Variants in KLHL22 observed in about 807,000 individuals in gnomAD.
KLHL22 encodes the protein kelch-like protein 22.
Under a neutral mutation model 60.7 loss-of-function variants are expected in KLHL22, and 18 were observed. The ratio of observed to expected loss-of-function variants is 0.30; its 90% CI spans 0.20 to 0.44. The LOEUF is 0.44. KLHL22 is among the 20% of genes least tolerant of loss of function. The pLI, the probability that KLHL22 is intolerant of heterozygous loss-of-function variation, is 1.00. For synonymous variants in KLHL22, 355 were observed against 354.5 expected (o/e 1.00, Z -0.01); for missense variants, 596 against 852.3 (o/e 0.70, Z 3.74).
intron 2 of KLHL22, chr22:20,483,524 G>C: frequency 1.4e-6 from 1 of 726,024 alleles, no homozygotes; most frequent in South Asian, 1.4e-5. Flanking sequence ...TACAGCTGAG[G>C]GACATTGGTG....
chr22:20,494,869 A>T (rs2053745221), intron 1 of KLHL22, among the ~76,000 whole-genome samples: 1 of 152,204 alleles, frequency 6.6e-6, no homozygotes, highest in African/African-American at 2.4e-5. Flanking sequence ...GTTCGGTACG[A>T]TTTTACTGAG....
rs541165667 is a variant in KLHL22, at chr22:20,477,469, G to C, written c.228-5954C>G. 1.3e-3 allele frequency among the ~76,000 whole-genome samples: 202 copies of C among 152,216 alleles called. 1 individual carries two copies. The highest frequency in any genetic ancestry group is 4.5e-3 in the African/African-American group (187 of 41,530). On this transcript the variant is annotated intron_variant, in intron 2 of 6. Coordinates refer to ENST00000328879, the MANE Select transcript of KLHL22 (RefSeq NM_032775.4). The stretch of plus-strand genomic sequence containing the variant: ...CTCTTAAAAAAAATTAGCTGGGCAT[G>C]GTGGCACGCATCCATAATTCCATCA...
Position 20,465,506 on chromosome 22 carries a change from A to T in KLHL22, c.464T>A (p.Val155Asp). The T allele has an allele frequency of 6.2e-7, 1 of 1,611,736 alleles. No individual in the cohort carries two copies. Among genetic ancestry groups the T allele is most frequent in the Non-Finnish European group, 8.5e-7 (1 of 1,177,818 alleles). Residue 155 changes from valine to aspartate, a missense_variant, in exon 4 of 7, where the codon GTC becomes GAC. Transcript: ENST00000328879. This position sits in a 1 kb window ranked among gnomAD's most constrained non-coding sequence, Gnocchi z 4.9. ...GTCAAACAGCTCTGCCAGCCGGTAGACATCGAGAATGTTCTCTTCGTCCAC... is the reference window on the plus strand; with the variant it reads ...GTCAAACAGCTCTGCCAGCCGGTAGTCATCGAGAATGTTCTCTTCGTCCAC... ...SWVDEENILD[V>D]YRLAELFDLS...
At chr22:20,490,832 C>T (rs1287548842) in intron 1 of KLHL22, among the ~76,000 whole-genome samples, 2 of 152,166 alleles carry the variant, frequency 1.3e-5, no homozygotes, top group Non-Finnish European at 2.9e-5. Context: ...GGATCACCCT[C>T]CACTCACCTC....
At chr22:20,493,630 A>T (rs1320305019) in intron 1 of KLHL22, among the ~76,000 whole-genome samples, 1 of 152,058 alleles carries the variant, frequency 6.6e-6, no homozygotes, top group Non-Finnish European at 1.5e-5. Context: ...AAATACAAAA[A>T]AATTAGCCGG....
chr22:20,466,920 G>C (rs2053245669), intron 3 of KLHL22, among the ~76,000 whole-genome samples: 2 of 152,222 alleles, frequency 1.3e-5, no homozygotes, highest in Non-Finnish European at 2.9e-5. Context: ...TGACACTGGA[G>C]GGAGGTGGGA....
intron 2 of KLHL22, among the ~76,000 whole-genome samples, chr22:20,475,622 C>T (rs1007724705): frequency 2.6e-5 from 4 of 151,664 alleles, no homozygotes; most frequent in Admixed American, 6.6e-5. Context: ...AGTGCAGCAG[C>T]GCGATCTCGG....
intron 2 of KLHL22, among the ~76,000 whole-genome samples, chr22:20,480,482 C>T (rs2053480813): frequency 6.6e-6 from 1 of 152,136 alleles, no homozygotes; most frequent in South Asian, 2.1e-4. Context: ...CTGGGACCTC[C>T]AGGATGTCAC....
intron 4 of KLHL22, 114 bp from the exon 5 acceptor site, chr22:20,458,114 TC>T: frequency 8.9e-7 from 1 of 1,123,212 alleles, no homozygotes; most frequent in Non-Finnish European, 1.3e-6. Context: ...GCCTGAACCC[TC>T]CCCAACTACC....
At position 20,468,226 on chromosome 22, in the gene KLHL22, G is replaced by C. The variant is rs112720914; in HGVS notation, c.394-2650C>G. Reference sequence around the variant, plus strand: ...TTTCCTAAAATTCTGGTTTGTCATGGGCCAGGGTCCTGAAGACCAAGTTTT... The same window carrying C: ...TTTCCTAAAATTCTGGTTTGTCATGCGCCAGGGTCCTGAAGACCAAGTTTT... On this transcript the variant is annotated intron_variant, in intron 3 of 6. Transcript: ENST00000328879. 3.6e-3 allele frequency among the ~76,000 whole-genome samples: 553 copies of C among 152,240 alleles called. 4 individuals carry two copies. Among genetic ancestry groups the C allele is most frequent in the African/African-American group, 0.013 (521 of 41,532 alleles).
chr22:20,490,836 T>G (rs367980673), intron 1 of KLHL22, among the ~76,000 whole-genome samples: 3 of 152,230 alleles, frequency 2.0e-5, no homozygotes, highest in African/African-American at 7.2e-5. Flanking sequence ...CACCCTCCAC[T>G]CACCTCCTGT....
At chr22:20,493,173 GCT>G (rs951980734) in intron 1 of KLHL22, 4 of 471,156 alleles carry the variant, frequency 8.5e-6, no homozygotes, top group African/African-American at 8.0e-5. Flanking sequence ...TAGTGCCTCT[GCT>G]CTCTTGGGAA....
intron 2 of KLHL22, among the ~76,000 whole-genome samples, chr22:20,472,923 G>A (rs1601364512): frequency 6.6e-6 from 1 of 152,218 alleles, no homozygotes; most frequent in East Asian, 1.9e-4. Context: ...GAAGGAGACA[G>A]GTGTACAAGT....
chr22:20,484,121 G>A, intron 2 of KLHL22: 3 of 765,384 alleles, frequency 3.9e-6, no homozygotes, highest in Non-Finnish European at 6.9e-6. Context: ...CCGGGGAGGA[G>A]AGCAAGAGGA....
intron 5 of KLHL22, among the ~76,000 whole-genome samples, chr22:20,453,237 CAAAA>C (rs540715156): frequency 6.9e-6 from 1 of 144,562 alleles, no homozygotes; most frequent in Non-Finnish European, 1.5e-5. Flanking sequence ...TCAATGGTCT[CAAAA>C]AAAAAAGATT....
intron 5 of KLHL22, among the ~76,000 whole-genome samples, chr22:20,453,257 C>CT (rs955678769): frequency 3.1e-4 from 47 of 149,654 alleles, no homozygotes; most frequent in African/African-American, 7.4e-4. Context: ...AGATTTTCTT[C>CT]TTCTTTTTTT....
At chr22:20,487,086 G>C (rs895836983) in intron 2 of KLHL22, among the ~76,000 whole-genome samples, 3 of 151,424 alleles carry the variant, frequency 2.0e-5, no homozygotes, top group Admixed American at 6.6e-5. Context: ...CGCCCCGCTA[G>C]TTTTTGTATT....
rs529590089 is a variant in KLHL22 at position 20,477,684 on chromosome 22, G to A, written c.228-6169C>T. Among the ~76,000 whole-genome samples, 3 of 152,312 alleles carry A rather than the reference G, an allele frequency of 2.0e-5. No homozygotes were observed. In the South Asian group the frequency reaches 6.2e-4, roughly 32 times the overall value. On this transcript the variant is annotated intron_variant, in intron 2 of 6. Transcript: ENST00000328879. ...AGAAAGAAGATATGAGACATTGTGGGTGCAATTAGGAAAATCTGAACGTGG... is the reference window on the plus strand; with the variant it reads ...AGAAAGAAGATATGAGACATTGTGGATGCAATTAGGAAAATCTGAACGTGG...
chr22:20,495,066 A>G lies in KLHL22; in HGVS notation c.-34+694T>C, dbSNP rs993520313. On this transcript the variant is annotated intron_variant, in intron 1 of 6. Transcript: ENST00000328879. This position sits in a 1 kb window ranked among gnomAD's most constrained non-coding sequence, Gnocchi z 4.6. ...AGGGTGCGCTCTGGAAGAATCTCCC[A>G]GGGAGCCGTCTTGGAGGCACTCGGC... Among the ~76,000 whole-genome samples the G allele has an allele frequency of 6.6e-6, 1 of 152,176 alleles. No homozygotes were observed.
Sources: allele counts gnomAD v4.1 joint callset (sites outside exome capture counted in the v4.1 genomes callset), GRCh38; gene constraint gnomAD v4.1.1; non-coding constraint Gnocchi (gnomAD v3.1); transcripts MANE v1.5; gene names NCBI Gene and HGNC (gene_info 2026-07-23, HGNC 2026-07-21).